Variants in PCDHA9 observed in about 807,000 individuals in gnomAD.
PCDHA9 encodes protocadherin alpha-9.
PCDHA9 carries 62 observed loss-of-function variants against 62.0 expected under a neutral mutation model. That is an observed-to-expected ratio of 1.00 (90% CI 0.81 to 1.23). The LOEUF is 1.23. PCDHA9 is among the 50% of genes most tolerant of loss of function. The pLI is 0.00. For synonymous variants in PCDHA9, 557 were observed against 567.6 expected (o/e 0.98, Z 0.27); for missense variants, 1,205 against 1,249.8 (o/e 0.96, Z 0.54).
chr5:140,939,710 T>A (rs1317905162), intron 1 of PCDHA9, among the ~76,000 whole-genome samples: 8 of 152,230 alleles, frequency 5.3e-5, no homozygotes, highest in Non-Finnish European at 1.2e-4. Context: ...ATTTGTGAGA[T>A]ACATTTATAT....
At position 141,010,202 on chromosome 5, in the gene PCDHA9, GC is replaced by G. The variant is rs1308553255; in HGVS notation, c.*267del. 6.4e-7 allele frequency: 1 copy of G among 1,551,944 alleles called. No individual in the cohort carries two copies. The highest frequency in any genetic ancestry group is 8.7e-7 in the Non-Finnish European group (1 of 1,147,050). The stretch of plus-strand genomic sequence containing the variant: ...CAGACCCAAGTTTCCTTTCTCCTCC[GC>G]CGCAAAGGAGAGGCTTCCCAGCCCC... On this transcript the variant is annotated 3_prime_UTR_variant, in exon 4 of 4. Transcript: ENST00000532602.
chr5:140,875,254 T>C, intron 1 of PCDHA9: 1 of 1,054,680 alleles, frequency 9.5e-7, no homozygotes, highest in Non-Finnish European at 1.3e-6. Flanking sequence ...ATCAGTCACA[T>C]GATGTCGCTC....
chr5:140,883,791 T>C, intron 1 of PCDHA9: 3 of 1,612,422 alleles, frequency 1.9e-6, no homozygotes, highest in Middle Eastern at 3.9e-4. Flanking sequence ...TCGAGCTACG[T>C]GTCGGTGCAC....
rs112338455 is a variant in PCDHA9 at position 140,903,390 on chromosome 5, A to G, written c.2394+52501A>G. ...TATAGGGAGGATTGTGGTTACTTCT[A>G]GAAACAGTAGTGCAGTCAGGAAAAA... On this transcript the variant is annotated intron_variant, in intron 1 of 3. Coordinates refer to ENST00000532602, the MANE Select transcript of PCDHA9 (RefSeq NM_031857.2). Among the ~76,000 whole-genome samples the G allele has an allele frequency of 4.3e-3, 662 of 152,354 alleles. 6 individuals are homozygous for G. Among genetic ancestry groups the G allele is most frequent in the African/African-American group, 0.015 (618 of 41,596 alleles).
chr5:140,960,467 C>A (rs1554224775), intron 1 of PCDHA9, among the ~76,000 whole-genome samples: 1 of 152,010 alleles, frequency 6.6e-6, no homozygotes, highest in Non-Finnish European at 1.5e-5. Context: ...GAGAAGTAAT[C>A]CTTCTTACAC....
intron 1 of PCDHA9, chr5:140,869,761 C>T (rs782673770): frequency 6.2e-7 from 1 of 1,613,150 alleles, no homozygotes; most frequent in Non-Finnish European, 8.5e-7. Context: ...CGGGGGAAAA[C>T]CAGAGCTTAC....
In PCDHA9 at chr5:140,852,083, T is replaced by C; in HGVS notation, c.2394+1194T>C. 2 of 899,622 alleles carry C rather than the reference T, an allele frequency of 2.2e-6. 1 individual carries two copies. Among genetic ancestry groups the C allele is most frequent in the Non-Finnish European group, 2.7e-6 (2 of 737,816 alleles). The allele number at this position is 899,622 out of a possible 1,614,324, so 55.7% of individuals were successfully genotyped here. A position where few individuals can be genotyped will look rare whatever the true frequency, so the allele number is the denominator to read the frequency against. On this transcript the variant is annotated intron_variant, in intron 1 of 3. Coordinates refer to ENST00000532602, the MANE Select transcript of PCDHA9 (RefSeq NM_031857.2). The stretch of plus-strand genomic sequence containing the variant: ...TTCTTTCTCTTTCAGCTATTTTATT[T>C]AATATTGTGTCAGATATTTTACAAG...
At chr5:140,889,424 A>AT (rs1554183891) in intron 1 of PCDHA9, among the ~76,000 whole-genome samples, 2 of 151,956 alleles carry the variant, frequency 1.3e-5, no homozygotes, top group Non-Finnish European at 2.9e-5. Flanking sequence ...CGTAGATAAT[A>AT]TTTTTTCAGG....
intron 1 of PCDHA9, chr5:140,928,383 G>T (rs1474490422): frequency 2.5e-6 from 4 of 1,613,920 alleles, no homozygotes; most frequent in South Asian, 1.1e-5. Context: ...CCTCTAGCTT[G>T]CTGGCAGTGG....
At chr5:140,923,376 A>T (rs1331786466) in intron 1 of PCDHA9, among the ~76,000 whole-genome samples, 5 of 152,086 alleles carry the variant, frequency 3.3e-5, no homozygotes, top group Non-Finnish European at 7.3e-5. Flanking sequence ...ATATTTTTAA[A>T]AATTAGTTGG....
intron 1 of PCDHA9, among the ~76,000 whole-genome samples, chr5:140,941,250 T>TCCTTCCTTC (rs1441496906): frequency 7.2e-6 from 1 of 139,474 alleles, no homozygotes; most frequent in East Asian, 2.1e-4. Context: ...TTTCTTTCTT[T>TCCTTCCTTC]CTTTCTCTTT....
chr5:140,857,657 C>A (rs1207727837), intron 1 of PCDHA9: 1 of 1,596,626 alleles, frequency 6.3e-7, no homozygotes. Flanking sequence ...GGTGAGCGCG[C>A]GCGATGGGGG....
At chr5:140,941,198 TCTTC>T (rs202127003) in intron 1 of PCDHA9, among the ~76,000 whole-genome samples, 9,614 of 119,776 alleles carry the variant, frequency 0.08, 511 homozygotes, top group Non-Finnish European at 0.089. Context: ...TTTTTTTCTT[TCTTC>T]CTTTCTTTCT....
intron 3 of PCDHA9, among the ~76,000 whole-genome samples, chr5:140,985,169 C>G (rs1169892350): frequency 6.6e-6 from 1 of 152,122 alleles, no homozygotes; most frequent in Non-Finnish European, 1.5e-5. Flanking sequence ...AATCTCCTGA[C>G]CTCGTAATCC....
At chr5:140,883,690 C>T (rs1313254041) in intron 1 of PCDHA9, 1 of 1,613,870 alleles carries the variant, frequency 6.2e-7, no homozygotes, top group Non-Finnish European at 8.5e-7. Context: ...GCTGCCACAT[C>T]TTCACGGTGT....
At chr5:140,966,568 G>A (rs2096022635) in intron 1 of PCDHA9, 1 of 499,094 alleles carries the variant, frequency 2.0e-6, no homozygotes, top group African/African-American at 2.0e-5. Flanking sequence ...CTGGAATATG[G>A]GGAGTCAGCG....
In PCDHA9 at chr5:140,882,158, C is replaced by T. The variant is rs2058980027; in HGVS notation, c.2394+31269C>T. ...GAAAATATAGCAGAAAGCGGAATAC[C>T]TCTTGCGAATCCTTCCGCACTAGGA... On this transcript the variant is annotated intron_variant, in intron 1 of 3. Coordinates refer to ENST00000532602, the MANE Select transcript of PCDHA9 (RefSeq NM_031857.2). The T allele has an allele frequency of 4.6e-6, 7 of 1,507,380 alleles. No homozygotes were observed. The South Asian group carries it at 8.2e-5, about 18-fold the overall frequency. 93.4% of individuals were successfully genotyped at this position (1,507,380 alleles called of 1,614,324 possible). A position where few individuals can be genotyped will look rare whatever the true frequency, so the allele number is the denominator to read the frequency against.
At chr5:140,855,049 C>A (rs188702829) in intron 1 of PCDHA9, among the ~76,000 whole-genome samples, 1 of 149,704 alleles carries the variant, frequency 6.7e-6, no homozygotes, top group Admixed American at 6.7e-5. Flanking sequence ...TGTAATAGTA[C>A]TTTTCTGTTT....
At chr5:140,942,406 G>GT (rs1554214961) in intron 1 of PCDHA9, among the ~76,000 whole-genome samples, 2 of 149,658 alleles carry the variant, frequency 1.3e-5, no homozygotes, top group South Asian at 2.1e-4. Flanking sequence ...ATGAGACTCT[G>GT]TTTAAAAAAA....
Sources: gnomAD v4.1 joint callset for allele counts (sites outside exome capture counted in the v4.1 genomes callset) on GRCh38, gnomAD v4.1.1 for gene constraint, MANE v1.5 for transcripts, NCBI Gene and HGNC (gene_info 2026-07-23, HGNC 2026-07-21) for gene names.